FANCI: variants seen among roughly 807,000 people sequenced by gnomAD.
The protein encoded by FANCI is FA complementation group I.
In FANCI, 156 loss-of-function variants were observed where a neutral mutation model predicts 176.1. The ratio of observed to expected loss-of-function variants is 0.89; its 90% CI spans 0.78 to 1.01. FANCI has a LOEUF of 1.01. FANCI is among the 50% of genes least tolerant of loss of function. The probability of loss-of-function intolerance (pLI) is 0.00; values close to 1 mark genes in which losing one functional copy is unlikely to be tolerated. For synonymous variants in FANCI, 613 were observed against 541.7 expected (o/e 1.13, Z -1.83); for missense variants, 1,678 against 1,534.1 (o/e 1.09, Z -1.57).
Position 89,307,463 on chromosome 15 carries a change from CTTT to C in FANCI, c.3538-8_3538-6del. ...AGGACAGTCTACTAAATCTAGGAAT[CTTT>C]TTTTATTAGTATCTCCAGGTGTGTC... is the stretch of plus-strand genomic sequence containing the variant. On this transcript the variant is annotated splice_polypyrimidine_tract_variant and intron_variant, in intron 32 of 37. Coordinates refer to ENST00000310775, the MANE Select transcript of FANCI (RefSeq NM_001113378.2). The C allele has an allele frequency of 6.2e-7, 1 of 1,612,628 alleles. No individual in the cohort carries two copies. The highest frequency in any genetic ancestry group is 8.5e-7 in the Non-Finnish European group (1 of 1,179,024).
At chr15:89,284,504 G>A (rs1183022709) in intron 17 of FANCI, among the ~76,000 whole-genome samples, 2 of 152,218 alleles carry the variant, frequency 1.3e-5, no homozygotes, top group African/African-American at 4.8e-5. Flanking sequence ...GCTGAGCCAG[G>A]TTAAATAACT....
intron 1 of FANCI, among the ~76,000 whole-genome samples, chr15:89,247,099 C>T (rs1384289829): frequency 1.1e-4 from 16 of 145,526 alleles, no homozygotes; most frequent in African/African-American, 3.3e-4. Context: ...GAGACAGGGT[C>T]TTACCTTGTT....
chr15:89,290,645 TAATGG>T (rs2054026532), intron 19 of FANCI: 1 of 248,692 alleles, frequency 4.0e-6, no homozygotes, highest in Non-Finnish European at 8.0e-6. Flanking sequence ...TAAATCTGGG[TAATGG>T]ATACATGGAT....
At position 89,292,922 on chromosome 15, in the gene FANCI, T is replaced by A; in HGVS notation, c.2170-20T>A. On this transcript the variant is annotated intron_variant, in intron 21 of 37. Coordinates refer to ENST00000310775, the MANE Select transcript of FANCI (RefSeq NM_001113378.2). ...TGGAGTTCTTTAGTAGCTTGTTAAT[T>A]TTTATCTTGTGTCTTTTAGGATAAA... is the stretch of plus-strand genomic sequence containing the variant. 6.2e-7 allele frequency: 1 copy of A among 1,614,116 alleles called. No individual in the cohort carries two copies. The highest frequency in any genetic ancestry group is 1.1e-5 in the South Asian group (1 of 91,076).
intron 1 of FANCI, among the ~76,000 whole-genome samples, chr15:89,244,569 G>C (rs1373163083): frequency 6.6e-6 from 1 of 152,176 alleles, no homozygotes; most frequent in Non-Finnish European, 1.5e-5. Context: ...CTGGTTTTAG[G>C]ATGATTTTAG....
chr15:89,262,005 T>C, intron 6 of FANCI, 127 bp downstream of exon 6: 1 of 776,050 alleles, frequency 1.3e-6, no homozygotes, highest in South Asian at 1.5e-5. Context: ...TATAACACTA[T>C]AAAACTATTT....
intron 10 of FANCI, among the ~76,000 whole-genome samples, chr15:89,270,586 A>C (rs2053163437): frequency 1.3e-5 from 2 of 152,030 alleles, no homozygotes; most frequent in South Asian, 4.2e-4. Flanking sequence ...TTTTAATTGC[A>C]TCTTTCTTTC....
chr15:89,292,675 T>C lies in FANCI; in HGVS notation c.1993-13T>C, dbSNP rs1328911948. The C allele has an allele frequency of 4.3e-6, 7 of 1,612,466 alleles. No individual in the cohort carries two copies. The highest frequency in any genetic ancestry group is 5.9e-6 in the Non-Finnish European group (7 of 1,179,752). On this transcript the variant is annotated splice_polypyrimidine_tract_variant and intron_variant, in intron 20 of 37. Coordinates refer to ENST00000310775, the MANE Select transcript of FANCI (RefSeq NM_001113378.2). ...CACTCAAGAGTATTTAATTTACTTA[T>C]TTTCTCCTACAGGATTATCTGCTGT...
At chr15:89,291,127 C>G (rs2054050365) in intron 19 of FANCI, among the ~76,000 whole-genome samples, 1 of 152,150 alleles carries the variant, frequency 6.6e-6, no homozygotes, top group East Asian at 1.9e-4. Context: ...AAAATAATAA[C>G]TCATATTTTT....
chr15:89,300,251 A>G, intron 25 of FANCI, 49 bp from the exon 26 acceptor site: 1 of 1,575,806 alleles, frequency 6.3e-7, no homozygotes, highest in Non-Finnish European at 8.7e-7. Context: ...AAAGGCCAAA[A>G]AGTATGAGTT....
chr15:89,287,020 CT>C (rs2053846087), intron 18 of FANCI, among the ~76,000 whole-genome samples: 1 of 117,050 alleles, frequency 8.5e-6, no homozygotes, highest in African/African-American at 3.6e-5. Context: ...TGTCACAAGG[CT>C]GTAGTGCAGT....
chr15:89,256,218 A>C (rs2052486550), intron 2 of FANCI, among the ~76,000 whole-genome samples: 1 of 152,170 alleles, frequency 6.6e-6, no homozygotes, highest in South Asian at 2.1e-4. Context: ...AGAATGTTTG[A>C]TAGCATCTCT....
chr15:89,315,428 C>G (rs75481599), intron 37 of FANCI, 39 bp downstream of exon 37: 6 of 1,405,660 alleles, frequency 4.3e-6, no homozygotes, highest in Non-Finnish European at 6.0e-6. Flanking sequence ...GCCACTCTTC[C>G]TAGCTGGTTA....
intron 6 of FANCI, among the ~76,000 whole-genome samples, chr15:89,262,079 A>T (rs2052735058): frequency 3.3e-5 from 5 of 152,178 alleles, no homozygotes; most frequent in Admixed American, 3.3e-4. Flanking sequence ...GACTGTTCAT[A>T]TAGTTTTATT....
rs1252849277 is a variant in FANCI, at chr15:89,290,248, G to T, written c.1857G>T (p.Leu619=). The change falls in exon 19 of 38, where the codon CTG becomes CTT. Residue 619 remains leucine (L), a synonymous_variant. Transcript: ENST00000310775. The part of the protein sequence containing the change: ...FYDVLRRNSQ[L]ANSVMQTLLS... ...ATGTTCTTCGAAGGAACTCTCAGCT[G>T]GCTAATTCAGTCATGCAAACTCTGC... 6.2e-7 allele frequency: 1 copy of T among 1,613,908 alleles called. No homozygotes were observed. The highest frequency in any genetic ancestry group is 1.1e-5 in the South Asian group (1 of 91,086).
rs377325923 is a variant in FANCI, at chr15:89,309,418, A to C, written c.3651+1746A>C. Among the ~76,000 whole-genome samples the C allele has an allele frequency of 1.9e-4, 29 of 152,290 alleles. 1 individual carries two copies. In the East Asian group the frequency reaches 4.8e-3, roughly 25 times the overall value. On this transcript the variant is annotated intron_variant, in intron 34 of 37. Coordinates refer to ENST00000310775, the MANE Select transcript of FANCI (RefSeq NM_001113378.2). ...TCAGGGAGAGATGCTCATACCGTATATCTCTCACCTTAGAGATTCGTGGTG... is the reference window on the plus strand; with the variant it reads ...TCAGGGAGAGATGCTCATACCGTATCTCTCTCACCTTAGAGATTCGTGGTG...
intron 2 of FANCI, among the ~76,000 whole-genome samples, chr15:89,254,212 A>C (rs1425218590): frequency 6.6e-6 from 1 of 152,034 alleles, no homozygotes; most frequent in Non-Finnish European, 1.5e-5. Flanking sequence ...TAAATAAATA[A>C]ATTTTAAAAA....
chr15:89,296,233 G>A (rs917294734), intron 24 of FANCI, among the ~76,000 whole-genome samples: 1 of 149,986 alleles, frequency 6.7e-6, no homozygotes, highest in East Asian at 1.9e-4. Flanking sequence ...CAAAGTGCTG[G>A]GTTTACAGGC....
At chr15:89,273,291 G>C in intron 10 of FANCI, 86 bp from the exon 11 acceptor site, 1 of 734,116 alleles carries the variant, frequency 1.4e-6, no homozygotes, top group Non-Finnish European at 2.3e-6. Context: ...GCAACAGAGA[G>C]ACCCAATCTT....
Sources: allele counts gnomAD v4.1 joint callset (sites outside exome capture counted in the v4.1 genomes callset), GRCh38; gene constraint gnomAD v4.1.1; transcripts MANE v1.5; gene names NCBI Gene and HGNC (gene_info 2026-07-23, HGNC 2026-07-21).